The following HEPH variants were observed in gnomAD, a reference collection of about 807,000 sequenced individuals.
HEPH encodes hephaestin.
In HEPH, 69 loss-of-function variants were observed where a neutral mutation model predicts 80.8. That is an observed-to-expected ratio of 0.85 (90% confidence interval 0.70 to 1.04). The LOEUF (loss-of-function observed/expected upper bound fraction) is 1.04, where lower values mean the gene tolerates loss of function less well. HEPH is among the 50% of genes least tolerant of loss of function. The pLI is 0.00. For synonymous variants in HEPH, 431 were observed against 322.8 expected (o/e 1.34, Z -3.60); for missense variants, 1,115 against 891.3 (o/e 1.25, Z -3.20).
At chrX:66,204,868 ATAT>A (rs1466521315) in intron 13 of HEPH, among the ~76,000 whole-genome samples, 1 of 112,233 alleles carries the variant, frequency 8.9e-6, no homozygotes, top group Non-Finnish European at 1.9e-5. Flanking sequence ...TAAAAATATA[ATAT>A]TAGTTGCTAG....
At chrX:66,259,077 A>T (rs1471564004) in intron 18 of HEPH, 98 bp downstream of exon 18, 1 of 880,234 alleles carries the variant, frequency 1.1e-6, no homozygotes, top group Non-Finnish European at 1.5e-6. Flanking sequence ...GGTAACAATT[A>T]GTTAAAGAGC....
chrX:66,262,189 G>T (rs954498587), intron 19 of HEPH, among the ~76,000 whole-genome samples: 1 of 112,203 alleles, frequency 8.9e-6, no homozygotes, highest in African/African-American at 3.2e-5. Flanking sequence ...GAGTTGAAAA[G>T]ACAGAGGGAA....
At position 66,203,394 on chromosome X, in the gene HEPH, G is replaced by A. The variant is rs143121749; in HGVS notation, c.2108G>A (p.Ser703Asn). ...GTFEIYCQAGSHREAGMRAIY... is the reference protein window; with the variant it reads ...GTFEIYCQAGNHREAGMRAIY... Reference sequence around the variant, plus strand: ...TTTGAGATTTATTGCCAGGCAGGCAGCCATCGAGAAGCAGGGATGAGGGCA... The same window carrying A: ...TTTGAGATTTATTGCCAGGCAGGCAACCATCGAGAAGCAGGGATGAGGGCA... Residue 703 changes from serine to asparagine, a missense_variant, in exon 13 of 21, where the codon AGC becomes AAC. Transcript: ENST00000343002. 723 of 1,208,153 alleles carry A rather than the reference G, an allele frequency of 6.0e-4. 1 individual carries two copies. The highest frequency in any genetic ancestry group is 2.5e-3 in the Middle Eastern group (10 of 4,040).
rs762118562 is a variant in HEPH at position 66,252,633 on chromosome X, A to G, written c.2564-2402A>G. Among the ~76,000 whole-genome samples, 20 of 112,031 alleles carry G rather than the reference A, an allele frequency of 1.8e-4. No individual in the cohort carries two copies. The South Asian group carries it at 6.7e-3, about 37-fold the overall frequency. On this transcript the variant is annotated intron_variant, in intron 15 of 20. Transcript: ENST00000343002. ...ACAAAGAGAGATTTTGGAAAGATTA[A>G]TATGGCATAGCCAAAACAATGTTAA...
Position 66,200,641 on chromosome X carries a change from C to T in HEPH, c.1966C>T (p.His656Tyr). 1 of 1,210,887 alleles carries T rather than the reference C, an allele frequency of 8.3e-7. No individual in the cohort carries two copies. The highest frequency in any genetic ancestry group is 1.1e-6 in the Non-Finnish European group (1 of 894,886). The part of the protein sequence containing the change: ...LLGLGTETDV[H>Y]GVMFQGNTVQ... ...CGGCCTGGGCACAGAGACTGATGTG[C>T]ATGGAGTCATGTTCCAGGGCAACAC... The change falls in exon 12 of 21, where the codon CAT becomes TAT. Residue 656 changes from histidine (H) to tyrosine (Y), a missense_variant. By Grantham distance (83) the His-to-Tyr change is moderately conservative. This residue lies in a region of HEPH where 716 missense variants were observed against 523.5 expected (regional missense o/e 1.37). Transcript: ENST00000343002.
intron 15 of HEPH, among the ~76,000 whole-genome samples, chrX:66,211,377 A>G (rs1476393995): frequency 9.3e-6 from 1 of 107,462 alleles, no homozygotes; most frequent in Non-Finnish European, 2.0e-5. Context: ...TCCAAGTATA[A>G]TATATTTTTG....
chrX:66,188,663 A>T (rs2087621863), intron 5 of HEPH, 122 bp downstream of exon 5: 2 of 527,546 alleles, frequency 3.8e-6, no homozygotes, highest in African/African-American at 2.3e-5. Flanking sequence ...GAGGGCAAGG[A>T]GTAGTAGATG....
In HEPH at chrX:66,256,252, G is replaced by T; in HGVS notation, c.2818G>T (p.Val940Leu). Residue 940 changes from valine (V) to leucine (L), a missense_variant, in exon 17 of 21, where the codon GTG becomes TTG. By Grantham distance (32) the Val-to-Leu change is conservative. Transcript: ENST00000343002. Reference sequence around the variant, plus strand: ...TAAGTCTTGGTATTTGGAGGAAAATGTGGCAACCCATGGGTCCCAGGATCC... The same window carrying T: ...TAAGTCTTGGTATTTGGAGGAAAATTTGGCAACCCATGGGTCCCAGGATCC... ...ENKSWYLEEN[V>L]ATHGSQDPGS... 1 of 1,211,340 alleles carries T rather than the reference G, an allele frequency of 8.3e-7. No individual in the cohort carries two copies. Among genetic ancestry groups the T allele is most frequent in the Non-Finnish European group, 1.1e-6 (1 of 895,076 alleles).
At chrX:66,174,458 C>T (rs1477591378) in intron 4 of HEPH, among the ~76,000 whole-genome samples, 1 of 111,907 alleles carries the variant, frequency 8.9e-6, no homozygotes, top group Non-Finnish European at 1.9e-5. Context: ...GTGAATTGTG[C>T]CACTATAAAC....
Position 66,255,140 on chromosome X carries a change from A to G in HEPH, c.2669A>G (p.Lys890Arg). 4 of 1,177,530 alleles carry G rather than the reference A, an allele frequency of 3.4e-6. No individual in the cohort carries two copies. Among genetic ancestry groups the G allele is most frequent in the Non-Finnish European group, 4.6e-6 (4 of 867,514 alleles). The change falls in exon 16 of 21, where the codon AAG (lysine) becomes AGG (arginine). Residue 890 changes from lysine (K) to arginine (R), a missense_variant and splice_region_variant. By Grantham distance (26) the Lys-to-Arg change is conservative. Coordinates refer to ENST00000343002, the MANE Select transcript of HEPH (RefSeq NM_001367233.3). The part of the protein sequence containing the change: ...WIYYSAVDPI[K>R]DMYSGLVGPL... ...TATTATTCTGCAGTGGATCCCATCA[A>G]GGTAAATACAAGATTGGCTACCTGG...
intron 15 of HEPH, among the ~76,000 whole-genome samples, chrX:66,226,786 A>G (rs1328788274): frequency 8.9e-6 from 1 of 111,886 alleles, no homozygotes; most frequent in Non-Finnish European, 1.9e-5. Context: ...AACGAGATTG[A>G]AATGGTAATA....
upstream of HEPH, chrX:66,162,939 G>T (rs778670154): frequency 3.3e-5 from 34 of 1,021,159 alleles, no homozygotes; most frequent in South Asian, 7.5e-4. Flanking sequence ...TGGGTCTGTT[G>T]GGTAGATGCA....
intron 15 of HEPH, among the ~76,000 whole-genome samples, chrX:66,227,406 T>G (rs944028773): frequency 9.0e-6 from 1 of 111,080 alleles, no homozygotes; most frequent in Admixed American, 9.6e-5. Context: ...TTTCACCACT[T>G]CTATTCAACA....
At position 66,191,460 on chromosome X, in the gene HEPH, T is replaced by C. The variant is rs185241361; in HGVS notation, c.1064-670T>C. On this transcript the variant is annotated intron_variant, in intron 6 of 20. Coordinates refer to ENST00000343002, the MANE Select transcript of HEPH (RefSeq NM_001367233.3). ...CAAATTTCAAATCTCCCTGGGATGC[T>C]GTGGGATGCTAATAAAATAATATAG... Among the ~76,000 whole-genome samples the C allele has an allele frequency of 2.7e-5, 3 of 112,324 alleles. 1 individual carries two copies. In the Admixed American group the frequency reaches 2.8e-4, roughly 11 times the overall value.
chrX:66,170,681 G>A lies in HEPH; in HGVS notation c.111G>A (p.Trp37Ter). 1.7e-6 allele frequency: 2 copies of A among 1,210,639 alleles called. No homozygotes were observed. Among genetic ancestry groups the A allele is most frequent in the Non-Finnish European group, 2.2e-6 (2 of 894,877 alleles). The change falls in exon 2 of 21, where the codon TGG (tryptophan) becomes TGA (stop). Residue 37 changes from tryptophan to a stop codon, truncating the protein, a stop_gained. Coordinates refer to ENST00000343002, the MANE Select transcript of HEPH (RefSeq NM_001367233.3). LOFTEE classifies it high-confidence loss of function. ...VYYLGIRDVQ[W>*]NYAPKGRNVI... is the part of the protein sequence containing the mutation. ...ACCTGGGCATCCGGGATGTGCAGTG[G>A]AACTATGCTCCCAAGGGAAGAAATG...
intron 12 of HEPH, among the ~76,000 whole-genome samples, chrX:66,202,380 T>C (rs1323810316): frequency 1.8e-5 from 2 of 111,690 alleles, no homozygotes; most frequent in African/African-American, 6.5e-5. Context: ...AAGAAGAGTT[T>C]GTAGTGATGG....
intron 15 of HEPH, among the ~76,000 whole-genome samples, chrX:66,214,657 A>G (rs1398382583): frequency 9.0e-6 from 1 of 111,281 alleles, no homozygotes; most frequent in Non-Finnish European, 1.9e-5. Context: ...CTGTAATCAG[A>G]CCAGAGTTTG....
chrX:66,194,445 T>C (rs2087977489), intron 8 of HEPH, among the ~76,000 whole-genome samples: 1 of 111,582 alleles, frequency 9.0e-6, no homozygotes, highest in Admixed American at 9.6e-5. Context: ...AGCTAGAAAC[T>C]CTGACCAAGA....
intron 2 of HEPH, 58 bp from the exon 3 acceptor site, chrX:66,172,297 A>T: frequency 9.0e-7 from 1 of 1,116,487 alleles, no homozygotes; most frequent in African/African-American, 1.8e-5. Flanking sequence ...CTGGAAAAGG[A>T]ACCTCTCAAG....
Sources: allele counts gnomAD v4.1 joint callset (sites outside exome capture counted in the v4.1 genomes callset), GRCh38; gene constraint gnomAD v4.1.1; regional missense constraint gnomAD v4.1.1; transcripts MANE v1.5; gene names NCBI Gene and HGNC (gene_info 2026-07-23, HGNC 2026-07-21).